Variants in ICA1L observed in about 807,000 individuals in gnomAD.
ICA1L encodes islet cell autoantigen 1 like, also known as islet cell autoantigen 1-like protein.
In ICA1L, 50 loss-of-function variants were observed where a neutral mutation model predicts 61.3. The ratio of observed to expected loss-of-function variants is 0.82; its 90% CI spans 0.65 to 1.03. The LOEUF (loss-of-function observed/expected upper bound fraction) is 1.03. Ranked by LOEUF, ICA1L falls within the 50% of genes least tolerant of loss-of-function variation. The pLI, the probability that ICA1L is intolerant of heterozygous loss-of-function variation, is 0.00. For synonymous variants in ICA1L, 161 were observed against 191.3 expected (o/e 0.84, Z 1.31); for missense variants, 508 against 556.7 (o/e 0.91, Z 0.88).
At chr2:202,839,558 CTGTGTGTGTGTGTGTGTGTGTG>C (rs57535958) in intron 1 of ICA1L, among the ~76,000 whole-genome samples, 37,890 of 114,388 alleles carry the variant, frequency 0.33, 6,471 homozygotes, top group Middle Eastern at 0.53. Flanking sequence ...ACAGTTAAGT[CTGTGTGTGTGTGTGTGTGTGTG>C]TGTGTGTGTG....
chr2:202,844,387 A>T (rs1373413535), intron 1 of ICA1L: 1 of 152,142 alleles, frequency 6.6e-6, no homozygotes, highest in Non-Finnish European at 1.5e-5. Flanking sequence ...AAAAATCTAT[A>T]AAAAAAGAAA....
chr2:202,821,324 TAC>T (rs1693696198), intron 4 of ICA1L, 32 bp downstream of exon 4: 1 of 1,600,172 alleles, frequency 6.2e-7, no homozygotes, highest in Admixed American at 1.8e-5. Context: ...TCAGATTGAC[TAC>T]AGATTCAAGA....
chr2:202,781,329 T>C (rs1458768402), intron 12 of ICA1L, among the ~76,000 whole-genome samples: 1 of 151,934 alleles, frequency 6.6e-6, no homozygotes, highest in East Asian at 1.9e-4. Context: ...TTCAAGCACT[T>C]TGGGAGGCTG....
At chr2:202,840,227 T>G in intron 1 of ICA1L, 1 of 423,682 alleles carries the variant, frequency 2.4e-6, no homozygotes, top group Non-Finnish European at 4.7e-6. Context: ...GGGCTGAGCC[T>G]CAGGTGGGTC....
In ICA1L at chr2:202,773,617, G is replaced by T; in HGVS notation, c.*5916C>A. 1.6e-6 allele frequency: 1 copy of T among 614,514 alleles called. No individual in the cohort carries two copies. The highest frequency in any genetic ancestry group is 2.9e-6 in the Non-Finnish European group (1 of 348,940). The allele number at this position is 614,514 out of a possible 1,614,324, so 38.1% of individuals were successfully genotyped here. On this transcript the variant is annotated 3_prime_UTR_variant, in exon 13 of 13. Coordinates refer to ENST00000358299, the MANE Select transcript of ICA1L (RefSeq NM_001288622.3). ...CAGTCCTAAGCCTGATATGCTCAAA[G>T]CAAAGCCTCTTTCCCACAAACTAAA...
chr2:202,846,130 AGTT>A, intron 1 of ICA1L, among the ~76,000 whole-genome samples: 1 of 152,300 alleles, frequency 6.6e-6, no homozygotes, highest in South Asian at 2.1e-4. Context: ...AGTTTCTGAT[AGTT>A]TTCTGCAGCA....
chr2:202,784,849 A>G (rs1692530130), intron 12 of ICA1L, among the ~76,000 whole-genome samples: 2 of 152,210 alleles, frequency 1.3e-5, no homozygotes, highest in African/African-American at 4.8e-5. Flanking sequence ...TTTCAGATTT[A>G]CAAGATAAAA....
intron 1 of ICA1L, among the ~76,000 whole-genome samples, chr2:202,851,428 T>G (rs1271874743): frequency 6.6e-6 from 1 of 152,228 alleles, no homozygotes; most frequent in Non-Finnish European, 1.5e-5. Context: ...ACATTTGGGT[T>G]GGTTCTAAGT....
intron 1 of ICA1L, among the ~76,000 whole-genome samples, chr2:202,869,213 C>A (rs971453550): frequency 6.6e-6 from 1 of 151,920 alleles, no homozygotes; most frequent in African/African-American, 2.4e-5. Context: ...AAAAAATCAG[C>A]CAGGCGTGGT....
At chr2:202,862,963 G>T (rs1170443379) in intron 1 of ICA1L, among the ~76,000 whole-genome samples, 1 of 151,618 alleles carries the variant, frequency 6.6e-6, no homozygotes, top group Non-Finnish European at 1.5e-5. Flanking sequence ...ACTAAAGCAT[G>T]ATTAGAAAAA....
At chr2:202,828,812 C>G (rs1290640869) in intron 2 of ICA1L, 36 bp downstream of exon 2, 1 of 1,569,770 alleles carries the variant, frequency 6.4e-7, no homozygotes, top group African/African-American at 1.4e-5. Flanking sequence ...CAAATAATGG[C>G]TGGTTATATG....
intron 1 of ICA1L, among the ~76,000 whole-genome samples, chr2:202,831,735 G>T (rs956133394): frequency 7.9e-5 from 12 of 152,184 alleles, no homozygotes; most frequent in African/African-American, 2.9e-4. Context: ...CACGTTCCCT[G>T]GCAAAGGGAG....
chr2:202,825,666 T>A, intron 3 of ICA1L, 29 bp downstream of exon 3: 1 of 1,388,328 alleles, frequency 7.2e-7, no homozygotes, highest in South Asian at 1.3e-5. Flanking sequence ...TAAATGGGGA[T>A]TATCAGATAG....
intron 1 of ICA1L, among the ~76,000 whole-genome samples, chr2:202,846,099 T>C (rs1159775202): frequency 6.6e-6 from 1 of 152,182 alleles, no homozygotes; most frequent in Non-Finnish European, 1.5e-5. Flanking sequence ...TGCAGTGGGA[T>C]CATGGATGAC....
chr2:202,785,519 T>C (rs1234989204), intron 12 of ICA1L, among the ~76,000 whole-genome samples: 1 of 152,088 alleles, frequency 6.6e-6, no homozygotes, highest in Non-Finnish European at 1.5e-5. Context: ...GCCTCCCGGG[T>C]TAGAGCAATT....
intron 9 of ICA1L, among the ~76,000 whole-genome samples, chr2:202,799,565 T>C (rs948792009): frequency 1.3e-5 from 2 of 152,228 alleles, no homozygotes; most frequent in Admixed American, 6.5e-5. Flanking sequence ...ATTGAAGAGA[T>C]TGTAGCTACA....
rs1692156609 is a variant in ICA1L, at chr2:202,774,465, T to G, written c.*5068A>C. 2.0e-6 allele frequency: 1 copy of G among 503,442 alleles called. No individual in the cohort carries two copies. The highest frequency in any genetic ancestry group is 2.1e-5 in the African/African-American group (1 of 48,060). 31.2% of individuals were successfully genotyped at this position (503,442 alleles called of 1,614,324 possible). A position where few individuals can be genotyped will look rare whatever the true frequency, so the allele number is the denominator to read the frequency against. ...GCCAGCTCAAGAAACAACTTTTTCT[T>G]TCATGTTTTTTGTATGTGTTTTTTT... is the stretch of plus-strand genomic sequence containing the variant. On this transcript the variant is annotated 3_prime_UTR_variant, in exon 13 of 13. Coordinates refer to ENST00000358299, the MANE Select transcript of ICA1L (RefSeq NM_001288622.3).
intron 9 of ICA1L, among the ~76,000 whole-genome samples, chr2:202,804,835 C>T (rs1398786739): frequency 2.0e-5 from 3 of 152,148 alleles, no homozygotes; most frequent in South Asian, 2.1e-4. Flanking sequence ...CGTGATGCAA[C>T]TTGGTTAAAA....
chr2:202,829,751 T>A (rs759544847), intron 1 of ICA1L, among the ~76,000 whole-genome samples: 12 of 152,204 alleles, frequency 7.9e-5, no homozygotes, highest in Non-Finnish European at 1.6e-4. Context: ...GTAATAAAAC[T>A]TACGATTTTG....
Sources: allele counts gnomAD v4.1 joint callset (sites outside exome capture counted in the v4.1 genomes callset), GRCh38; gene constraint gnomAD v4.1.1; transcripts MANE v1.5; gene names NCBI Gene and HGNC (gene_info 2026-07-23, HGNC 2026-07-21).